The following SLC71A2 variants were observed in gnomAD, a reference collection of about 807,000 sequenced individuals.
SLC71A2 encodes the protein solute carrier family 71 member 2, also known as hippocampus abundant transcript-like 1.
chr9:94,442,549 G>A, the SLC71A2 span, among the ~76,000 whole-genome samples: 1 of 152,038 alleles, frequency 6.6e-6, no homozygotes, highest in Non-Finnish European at 1.5e-5. Flanking sequence ...GCTCACTCAG[G>A]AACACCAAAA....
the SLC71A2 span, among the ~76,000 whole-genome samples, chr9:94,382,270 A>G: frequency 6.6e-6 from 1 of 152,140 alleles, no homozygotes; most frequent in Non-Finnish European, 1.5e-5. Flanking sequence ...CAAGTCGTCC[A>G]CCTGCCTCAG....
the SLC71A2 span, among the ~76,000 whole-genome samples, chr9:94,425,801 G>C: frequency 1.3e-5 from 2 of 152,184 alleles, no homozygotes. Flanking sequence ...TACTGTCTTT[G>C]TTTTAAAAAA....
the SLC71A2 span, among the ~76,000 whole-genome samples, chr9:94,375,237 G>GT: frequency 6.6e-6 from 1 of 151,912 alleles, no homozygotes; most frequent in Non-Finnish European, 1.5e-5. Context: ...TCCTGGCGCA[G>GT]TTTCTCTCCA....
chr9:94,456,263 T>G, the SLC71A2 span: 1 of 1,614,008 alleles, frequency 6.2e-7, no homozygotes, highest in African/African-American at 1.3e-5. Context: ...GCAGGGACCG[T>G]GGCTGCCATG....
chr9:94,384,789 G>A, the SLC71A2 span, among the ~76,000 whole-genome samples: 1 of 152,134 alleles, frequency 6.6e-6, no homozygotes, highest in Non-Finnish European at 1.5e-5. Flanking sequence ...GTATTAAGAG[G>A]TGGGACTGTC....
At chr9:94,416,801 C>T in the SLC71A2 span, among the ~76,000 whole-genome samples, 1 of 150,858 alleles carries the variant, frequency 6.6e-6, no homozygotes, top group African/African-American at 2.4e-5. Flanking sequence ...TTGCAGTGAG[C>T]TGAGATCGTG....
chr9:94,454,005 T>G, the SLC71A2 span: 1 of 1,614,170 alleles, frequency 6.2e-7, no homozygotes, highest in Non-Finnish European at 8.5e-7. Flanking sequence ...ATAAGAATAC[T>G]GTCCTCCTTG....
chr9:94,451,498 A>G, the SLC71A2 span: 33 of 1,574,224 alleles, frequency 2.1e-5, no homozygotes, highest in African/African-American at 2.7e-5. Context: ...ATTCATAGCT[A>G]TGGTAGGAAT....
At chr9:94,454,402 C>CT in the SLC71A2 span, among the ~76,000 whole-genome samples, 11 of 152,210 alleles carry the variant, frequency 7.2e-5, no homozygotes, top group Admixed American at 7.2e-4. Flanking sequence ...GAGTCTCACT[C>CT]TGTTGCCCAG....
At chr9:94,401,269 C>T in the SLC71A2 span, among the ~76,000 whole-genome samples, 61 of 152,244 alleles carry the variant, frequency 4.0e-4, no homozygotes, top group Non-Finnish European at 7.3e-4. Flanking sequence ...CTTCCGATTT[C>T]AAGCATTTTC....
chr9:94,449,112 TAA>T, the SLC71A2 span, among the ~76,000 whole-genome samples: 1 of 151,162 alleles, frequency 6.6e-6, no homozygotes, highest in East Asian at 1.9e-4. Flanking sequence ...GGAAGAAAGC[TAA>T]AAAAAAAGTT....
At chr9:94,422,158 A>G in the SLC71A2 span, among the ~76,000 whole-genome samples, 1 of 152,208 alleles carries the variant, frequency 6.6e-6, no homozygotes, top group Non-Finnish European at 1.5e-5. Flanking sequence ...TGCTTGAGCT[A>G]CTGTGCCTGG....
chr9:94,421,787 A>ACTC, the SLC71A2 span, among the ~76,000 whole-genome samples: 20 of 152,118 alleles, frequency 1.3e-4, no homozygotes, highest in African/African-American at 4.3e-4. Context: ...TGAACTAGAG[A>ACTC]GCTTTGGTAG....
the SLC71A2 span, among the ~76,000 whole-genome samples, chr9:94,441,346 C>T: frequency 6.6e-5 from 10 of 152,086 alleles, no homozygotes; most frequent in Admixed American, 4.6e-4. Context: ...AAGGCAGAGC[C>T]AGAGCAGGCA....
At chr9:94,387,623 AGC>A in the SLC71A2 span, among the ~76,000 whole-genome samples, 1 of 152,184 alleles carries the variant, frequency 6.6e-6, no homozygotes, top group South Asian at 2.1e-4. Context: ...TGAACAATGG[AGC>A]TGGGACTTTC....
chr9:94,455,168 TTTTTTTTTTTTTTGA>T, the SLC71A2 span, among the ~76,000 whole-genome samples: 1 of 99,414 alleles, frequency 1.0e-5, no homozygotes, highest in African/African-American at 5.1e-5. Flanking sequence ...TTTTTTTTTT[TTTTTTTTTTTTTTGA>T]GAGAGAGAGG....
chr9:94,438,626 T>C, the SLC71A2 span: 1 of 1,497,130 alleles, frequency 6.7e-7, no homozygotes, highest in Non-Finnish European at 9.0e-7. Flanking sequence ...TACAAAGCAG[T>C]TGTGCTTGTG....
chr9:94,387,427 A>ATT, the SLC71A2 span, among the ~76,000 whole-genome samples: 14 of 150,132 alleles, frequency 9.3e-5, no homozygotes, highest in Admixed American at 5.3e-4. Context: ...CTGGTTTGCT[A>ATT]TTTTTTTTTT....
chr9:94,453,148 C>CTT, the SLC71A2 span, among the ~76,000 whole-genome samples: 46 of 124,778 alleles, frequency 3.7e-4, no homozygotes, highest in Non-Finnish European at 5.2e-4. Context: ...ACTCAGCCAT[C>CTT]TTTTTTTTTT....
Sources: gnomAD v4.1 joint callset for allele counts (sites outside exome capture counted in the v4.1 genomes callset) on GRCh38, gnomAD v4.1.1 for gene constraint, MANE v1.5 for transcripts, NCBI Gene and HGNC (gene_info 2026-07-23, HGNC 2026-07-21) for gene names.